Variants in LRRC7 observed in about 807,000 individuals in gnomAD.
LRRC7 encodes leucine-rich repeat-containing protein 7.
LRRC7 carries 23 observed loss-of-function variants against 175.7 expected under a neutral mutation model. That is an observed-to-expected ratio of 0.13 (90% CI 0.09 to 0.19). LRRC7 has a LOEUF of 0.19. LRRC7 is among the 10% of genes least tolerant of loss of function. The pLI is 1.00. For missense variants in LRRC7, 1,354 were observed against 1,904.7 expected (o/e 0.71, Z 5.38); for synonymous variants, 685 against 680.9 (o/e 1.01, Z -0.09).
chr1:70,038,894 G>C lies in LRRC7; in HGVS notation c.3070G>C (p.Gly1024Arg), dbSNP rs574899140. ...CCACGAACGACCGGATAAGATGCTG[G>C]GACCAGAGCATGGTATGTCCAGTAT... ...GSHERPDKML[G>R]PEHGMSSMSR... Residue 1024 changes from glycine (G) to arginine (R), a missense_variant, in exon 21 of 27, where the codon GGA becomes CGA. Coordinates refer to ENST00000651989, the MANE Select transcript of LRRC7 (RefSeq NM_001370785.2). The C allele has an allele frequency of 6.2e-7, 1 of 1,613,948 alleles. No homozygotes were observed. Among genetic ancestry groups the C allele is most frequent in the African/African-American group, 1.3e-5 (1 of 74,970 alleles).
At chr1:70,068,879 T>C (rs1662173582) in intron 23 of LRRC7, among the ~76,000 whole-genome samples, 1 of 152,088 alleles carries the variant, frequency 6.6e-6, no homozygotes, top group Admixed American at 6.6e-5. Context: ...CCACAGTGGC[T>C]AATATTTTAT....
intron 7 of LRRC7, among the ~76,000 whole-genome samples, chr1:69,869,197 T>A (rs1360190970): frequency 6.6e-6 from 1 of 152,074 alleles, no homozygotes; most frequent in Non-Finnish European, 1.5e-5. Flanking sequence ...GTTATTGTAA[T>A]AATCATGGAA....
intron 3 of LRRC7, among the ~76,000 whole-genome samples, chr1:69,773,316 T>C (rs894975094): frequency 6.6e-6 from 1 of 151,982 alleles, no homozygotes; most frequent in Non-Finnish European, 1.5e-5. Flanking sequence ...TGAAATGAAA[T>C]GAAAGAGAAA....
chr1:69,740,932 G>C (rs1354708990), intron 2 of LRRC7, among the ~76,000 whole-genome samples: 1 of 151,860 alleles, frequency 6.6e-6, no homozygotes, highest in Non-Finnish European at 1.5e-5. Context: ...CAGACTAGTG[G>C]AAGTATTCAT....
At chr1:69,617,333 G>A (rs1405932805) in intron 1 of LRRC7, among the ~76,000 whole-genome samples, 1 of 151,900 alleles carries the variant, frequency 6.6e-6, no homozygotes, top group East Asian at 1.9e-4. Flanking sequence ...ATTTATATGA[G>A]AGGAGGGACC....
At position 69,616,088 on chromosome 1, in the gene LRRC7, A is replaced by G. The variant is rs1431926210; in HGVS notation, c.2+47447A>G. On this transcript the variant is annotated intron_variant, in intron 1 of 26. Coordinates refer to ENST00000651989, the MANE Select transcript of LRRC7 (RefSeq NM_001370785.2). ...TTTCTCTACTACCACTTATGAATCC[A>G]ATGTCATGTTAGCATTGTGAAGTAT... 2.0e-5 allele frequency among the ~76,000 whole-genome samples: 3 copies of G among 152,080 alleles called. No individual in the cohort carries two copies. The East Asian group carries it at 5.8e-4, about 29-fold the overall frequency.
intron 1 of LRRC7, among the ~76,000 whole-genome samples, chr1:69,636,214 T>C (rs1488935027): frequency 3.9e-5 from 6 of 152,078 alleles, no homozygotes; most frequent in African/African-American, 1.4e-4. Context: ...CAACCACATA[T>C]GTGATTCTAT....
At position 70,139,412 on chromosome 1, in the gene LRRC7, TA is replaced by T. The variant is rs1221939463; in HGVS notation, c.*17527del. On this transcript the variant is annotated 3_prime_UTR_variant, in exon 27 of 27. Transcript: ENST00000651989. ...TCTAGTGAAATCTGTCCAGTGTACGTAACACTGCACAAAGAGCATATTTTAT... is the reference window on the plus strand; with the variant it reads ...TCTAGTGAAATCTGTCCAGTGTACGTACACTGCACAAAGAGCATATTTTAT... 6.6e-6 allele frequency: 1 copy of T among 152,192 alleles called. No homozygotes were observed. The highest frequency in any genetic ancestry group is 1.5e-5 in the Non-Finnish European group (1 of 68,028). The allele number at this position is 152,192 out of a possible 1,614,324, so 9.4% of individuals were successfully genotyped here. A position where few individuals can be genotyped will look rare whatever the true frequency, so the allele number is the denominator to read the frequency against.
chr1:69,943,933 A>AT (rs2101804901), intron 8 of LRRC7, among the ~76,000 whole-genome samples: 1 of 146,938 alleles, frequency 6.8e-6, no homozygotes, highest in African/African-American at 2.6e-5. Context: ...TTCAGTTCTT[A>AT]TTTTTTATCA....
chr1:69,643,868 A>G (rs1654607035), intron 1 of LRRC7, among the ~76,000 whole-genome samples: 1 of 152,078 alleles, frequency 6.6e-6, no homozygotes, highest in African/African-American at 2.4e-5. Flanking sequence ...CATAATTAGG[A>G]ATTAAAAAAA....
chr1:69,656,248 C>T (rs548692068), intron 1 of LRRC7, among the ~76,000 whole-genome samples: 80 of 151,924 alleles, frequency 5.3e-4, no homozygotes, highest in South Asian at 2.1e-3. Flanking sequence ...AAATTTTACC[C>T]ACAAACATTA....
intron 4 of LRRC7, among the ~76,000 whole-genome samples, chr1:69,808,408 G>T (rs141313953): frequency 6.6e-6 from 1 of 151,796 alleles, no homozygotes; most frequent in Non-Finnish European, 1.5e-5. Context: ...TGGACCAAGC[G>T]CACCTAACAG....
At chr1:69,718,164 G>GAAAGAAA (rs1553146156) in intron 2 of LRRC7, among the ~76,000 whole-genome samples, 1 of 149,570 alleles carries the variant, frequency 6.7e-6, no homozygotes, top group South Asian at 2.1e-4. Flanking sequence ...AAGAAAGAAA[G>GAAAGAAA]AAAGAAAGAA....
chr1:69,608,040 G>T (rs1354865362), intron 1 of LRRC7: 1 of 152,706 alleles, frequency 6.5e-6, no homozygotes, highest in Non-Finnish European at 1.5e-5. Context: ...AATAGCTGAC[G>T]TGGGAGGTAG....
In LRRC7 at chr1:69,589,116, GT is replaced by G. The variant is rs1384234091; in HGVS notation, c.2+20476del. Among the ~76,000 whole-genome samples, 33 of 11,608 alleles carry G rather than the reference GT, an allele frequency of 2.8e-3. No homozygotes were observed. In the African/African-American group the frequency reaches 0.063, roughly 22 times the overall value. The allele number at this position is 11,608 out of a possible 152,430, so 7.6% of individuals were successfully genotyped here. On this transcript the variant is annotated intron_variant, in intron 1 of 26. Transcript: ENST00000651989. ...TTTGTGTTACCACTTCATAAAAAGG[GT>G]GTGTGTGTGTGTGTGTGTGTGTGTG... is the stretch of plus-strand genomic sequence containing the variant.
intron 25 of LRRC7, among the ~76,000 whole-genome samples, chr1:70,105,767 A>T (rs552907067): frequency 4.0e-4 from 61 of 152,296 alleles, no homozygotes; most frequent in Non-Finnish European, 7.6e-4. Context: ...ATATTTGTCC[A>T]GTTATATCCT....
chr1:69,622,875 G>A lies in LRRC7; in HGVS notation c.2+54234G>A, dbSNP rs890445994. Among the ~76,000 whole-genome samples the A allele has an allele frequency of 5.3e-5, 8 of 152,206 alleles. 1 individual carries two copies. On this transcript the variant is annotated intron_variant, in intron 1 of 26. Coordinates refer to ENST00000651989, the MANE Select transcript of LRRC7 (RefSeq NM_001370785.2). ...AACTCAAGTTACTAAATATAGGCCAGGATAAGAAGCTTACCTGTCTATTTG... is the reference window on the plus strand; with the variant it reads ...AACTCAAGTTACTAAATATAGGCCAAGATAAGAAGCTTACCTGTCTATTTG...
At chr1:70,095,200 A>G (rs2102180776) in intron 25 of LRRC7, among the ~76,000 whole-genome samples, 1 of 152,314 alleles carries the variant, frequency 6.6e-6, no homozygotes, top group South Asian at 2.1e-4. Context: ...GGAGCAAGGG[A>G]TAGAGATCAA....
chr1:70,091,372 T>G (rs557205599), intron 25 of LRRC7, among the ~76,000 whole-genome samples: 1 of 152,298 alleles, frequency 6.6e-6, no homozygotes, highest in Admixed American at 6.5e-5. Context: ...CTCCTCTTTT[T>G]GTCTTTCATT....
Sources: gnomAD v4.1 joint callset for allele counts (sites outside exome capture counted in the v4.1 genomes callset) on GRCh38, gnomAD v4.1.1 for gene constraint, MANE v1.5 for transcripts, NCBI Gene and HGNC (gene_info 2026-07-23, HGNC 2026-07-21) for gene names.